CAST: variants seen among roughly 807,000 people sequenced by gnomAD.
CAST encodes MIR583 host.
CAST carries 76 observed loss-of-function variants against 119.6 expected under a neutral mutation model. The observed-to-expected ratio is 0.64, with a 90% CI of 0.53 to 0.77. The LOEUF (loss-of-function observed/expected upper bound fraction) is 0.77, where lower values mean the gene tolerates loss of function less well. Ranked by LOEUF, CAST falls within the 30% of genes least tolerant of loss-of-function variation. CAST has a pLI of 0.00. For missense variants in CAST, 953 were observed against 946.5 expected, an observed-to-expected ratio of 1.01 and a Z score of -0.09; for synonymous variants, 319 against 331.6, an observed-to-expected ratio of 0.96 and a Z score of 0.41.
chr5:96,452,691 C>T, the CAST span, among the ~76,000 whole-genome samples: 1 of 143,074 alleles, frequency 7.0e-6, no homozygotes, highest in Non-Finnish European at 1.5e-5. Flanking sequence ...TGGCTCACGC[C>T]TGTAATCCCA....
At chr5:96,531,117 A>T (rs896731142) in intron 1 of CAST, among the ~76,000 whole-genome samples, 2 of 152,152 alleles carry the variant, frequency 1.3e-5, no homozygotes, top group African/African-American at 4.8e-5. Context: ...TAAAGACAAA[A>T]ACCACAACAA....
the CAST span, among the ~76,000 whole-genome samples, chr5:96,035,751 C>T: frequency 9.3e-6 from 1 of 107,544 alleles, no homozygotes; most frequent in Non-Finnish European, 2.2e-5. Flanking sequence ...CCGTGTGTGT[C>T]TGTGTGTTTG....
At chr5:96,255,393 A>G in the CAST span, among the ~76,000 whole-genome samples, 1 of 152,186 alleles carries the variant, frequency 6.6e-6, no homozygotes, top group Admixed American at 6.5e-5. Context: ...ACGAAAAGTG[A>G]CAAGGAAAGG....
intron 1 of CAST, among the ~76,000 whole-genome samples, chr5:96,626,068 A>T (rs261237): frequency 0.43 from 65,936 of 151,610 alleles, 14,428 homozygotes; most frequent in East Asian, 0.55. Context: ...TCCTCCACGG[A>T]CACTTTCCCC....
At chr5:96,227,456 A>T in the CAST span, among the ~76,000 whole-genome samples, 1 of 152,200 alleles carries the variant, frequency 6.6e-6, no homozygotes, top group South Asian at 2.1e-4. Flanking sequence ...CAAAACCTCA[A>T]AAATAGGTGC....
At chr5:96,644,808 C>G (rs1747995447) in intron 1 of CAST, among the ~76,000 whole-genome samples, 1 of 152,160 alleles carries the variant, frequency 6.6e-6, no homozygotes, top group South Asian at 2.1e-4. Flanking sequence ...AACCCCGTGT[C>G]TACTAAAAAT....
At chr5:96,633,404 C>G (rs1412380129) in intron 1 of CAST, among the ~76,000 whole-genome samples, 1 of 152,202 alleles carries the variant, frequency 6.6e-6, no homozygotes, top group Admixed American at 6.5e-5. Context: ...TTGTAGTTTT[C>G]AGTGTATAAG....
the CAST span, among the ~76,000 whole-genome samples, chr5:96,446,063 G>A: frequency 4.2e-4 from 64 of 151,368 alleles, no homozygotes; most frequent in African/African-American, 1.2e-3. Flanking sequence ...TACCCAGGCT[G>A]TTCTCAAACT....
chr5:96,238,341 T>TTCTTCTTCTTCTTCC, the CAST span, among the ~76,000 whole-genome samples: 1 of 123,692 alleles, frequency 8.1e-6, no homozygotes, highest in East Asian at 2.3e-4. Flanking sequence ...CTTCTTCTTC[T>TTCTTCTTCTTCTTCC]TCTTCATCTT....
chr5:96,278,430 A>C, the CAST span, among the ~76,000 whole-genome samples: 1 of 152,148 alleles, frequency 6.6e-6, no homozygotes, highest in Non-Finnish European at 1.5e-5. Context: ...AGCAACTGAG[A>C]GATGGGTGTA....
chr5:96,058,646 C>G, the CAST span, among the ~76,000 whole-genome samples: 2 of 152,002 alleles, frequency 1.3e-5, no homozygotes, highest in African/African-American at 4.8e-5. Flanking sequence ...CAATGGTTAA[C>G]GCTTTCACTG....
intron 1 of CAST, among the ~76,000 whole-genome samples, chr5:96,570,669 T>C (rs261229): frequency 0.47 from 71,027 of 152,018 alleles, 16,740 homozygotes; most frequent in Admixed American, 0.5. Context: ...AGTTTCTCCC[T>C]TGTAGCATTT....
At chr5:96,352,142 C>G in the CAST span, among the ~76,000 whole-genome samples, 1 of 152,170 alleles carries the variant, frequency 6.6e-6, no homozygotes, top group African/African-American at 2.4e-5. Flanking sequence ...AAGAGCCTTT[C>G]TCCAAGGTGC....
the CAST span, among the ~76,000 whole-genome samples, chr5:96,101,485 A>T: frequency 6.6e-6 from 1 of 152,222 alleles, no homozygotes; most frequent in Non-Finnish European, 1.5e-5. Flanking sequence ...GTTACCTGCC[A>T]CATAGAGGAG....
the CAST span, chr5:96,393,166 G>A: frequency 9.4e-5 from 151 of 1,614,170 alleles, no homozygotes; most frequent in African/African-American, 1.9e-3. Context: ...CTTCGTAGAA[G>A]TTTTCATAAG....
intron 16 of CAST, among the ~76,000 whole-genome samples, chr5:96,745,192 C>G (rs1248870166): frequency 1.3e-5 from 2 of 152,104 alleles, no homozygotes; most frequent in African/African-American, 4.8e-5. Context: ...TCTCCAGATG[C>G]CGAAATAGAG....
At chr5:96,620,004 C>T (rs146029973) in intron 1 of CAST, among the ~76,000 whole-genome samples, 1,946 of 152,324 alleles carry the variant, frequency 0.013, 22 homozygotes, top group Middle Eastern at 0.031. Flanking sequence ...TGTTTCAGGG[C>T]TCTCATGAAA....
intron 1 of CAST, among the ~76,000 whole-genome samples, chr5:96,560,771 A>G (rs1323268938): frequency 6.6e-6 from 1 of 152,170 alleles, no homozygotes; most frequent in Non-Finnish European, 1.5e-5. Context: ...AAACTAGTTC[A>G]ACCATTGTGG....
At chr5:96,614,342 A>C (rs765288846) in intron 1 of CAST, among the ~76,000 whole-genome samples, 1 of 152,166 alleles carries the variant, frequency 6.6e-6, no homozygotes. Flanking sequence ...TGCTGTGTGC[A>C]ATCTTACCTA....
Sources: gnomAD v4.1 joint callset for allele counts (sites outside exome capture counted in the v4.1 genomes callset) on GRCh38, gnomAD v4.1.1 for gene constraint, MANE v1.5 for transcripts, NCBI Gene and HGNC (gene_info 2026-07-23, HGNC 2026-07-21) for gene names.